The following THOC5 variants were observed in gnomAD, a reference collection of about 807,000 sequenced individuals.
THOC5 encodes the protein Fms-interacting protein.
A neutral mutation model predicts 92.9 loss-of-function variants in THOC5; 43 were observed. The observed-to-expected ratio is 0.46, with a 90% CI of 0.36 to 0.60. The LOEUF (loss-of-function observed/expected upper bound fraction) is 0.60. THOC5 is among the 20% of genes least tolerant of loss of function. The probability of loss-of-function intolerance (pLI) is 0.00; values close to 1 mark genes in which losing one functional copy is unlikely to be tolerated. For synonymous variants in THOC5, 296 were observed against 320.1 expected, an observed-to-expected ratio of 0.92 and a Z score of 0.80; for missense variants, 659 against 849.4, an observed-to-expected ratio of 0.78 and a Z score of 2.79.
At chr22:29,551,935 G>A (rs1159009640) in intron 1 of THOC5, among the ~76,000 whole-genome samples, 3 of 152,034 alleles carry the variant, frequency 2.0e-5, no homozygotes, top group Non-Finnish European at 4.4e-5. Flanking sequence ...GCAGGCGCGC[G>A]CCGCCACGCC....
In THOC5 at chr22:29,548,525, G is replaced by A. The variant is rs766581725; in HGVS notation, c.96+527C>T. On this transcript the variant is annotated intron_variant, in intron 2 of 19. Transcript: ENST00000490103. ...AGCAGAAATCGTGCCACTGTACTCC[G>A]ACGTGAGCGACACAGTGAGACCCTG... Among the ~76,000 whole-genome samples, 40 of 152,108 alleles carry A rather than the reference G, an allele frequency of 2.6e-4. 1 individual carries two copies. The highest frequency in any genetic ancestry group is 2.2e-3 in the Admixed American group (34 of 15,258).
rs766046316 is a variant in THOC5 at position 29,520,074 on chromosome 22, C to T, written c.1308G>A (p.Glu436=). The change falls in exon 14 of 20, where the codon GAG becomes GAA. Residue 436 remains glutamate, a synonymous_variant. Coordinates refer to ENST00000490103, the MANE Select transcript of THOC5 (RefSeq NM_003678.5). ...GILTLSDYVL[E]LGHPYLWVQK... ...GCACCCACAAATAGGGGTGACCTAG[C>T]TCAAGTACATAGTCGCTCAAAGTCA... 7.4e-6 allele frequency: 12 copies of T among 1,613,876 alleles called. No individual in the cohort carries two copies. Among genetic ancestry groups the T allele is most frequent in the South Asian group, 1.1e-5 (1 of 91,076 alleles).
At chr22:29,511,887 C>A in intron 18 of THOC5, 134 bp downstream of exon 18, 1 of 751,066 alleles carries the variant, frequency 1.3e-6, no homozygotes, top group South Asian at 1.8e-5. Context: ...CCAGCAAATT[C>A]TGCAAATCCT....
At chr22:29,541,733 C>G (rs1317000480) in intron 5 of THOC5, among the ~76,000 whole-genome samples, 1 of 148,414 alleles carries the variant, frequency 6.7e-6, no homozygotes, top group East Asian at 2.0e-4. Context: ...TGGTGGCAAG[C>G]GCCTGTAGTC....
chr22:29,550,025 C>T (rs1311347953), intron 1 of THOC5, among the ~76,000 whole-genome samples: 1 of 152,070 alleles, frequency 6.6e-6, no homozygotes, highest in African/African-American at 2.4e-5. Context: ...TACCCTCTTC[C>T]CCCTGAGCCT....
At position 29,511,237 on chromosome 22, in the gene THOC5, G is replaced by A; in HGVS notation, c.1857C>T (p.His619=). The A allele has an allele frequency of 6.2e-7, 1 of 1,614,212 alleles. No homozygotes were observed. Among genetic ancestry groups the A allele is most frequent in the Non-Finnish European group, 8.5e-7 (1 of 1,180,038 alleles). Residue 619 remains histidine, a synonymous_variant, in exon 19 of 20, where the codon CAC becomes CAT. Transcript: ENST00000490103. ...GCTGCAGCTGGTTGGTCAACAGCTGGTGGCTGGGCCAAGGGCCACACAGCT... is the reference window on the plus strand; with the variant it reads ...GCTGCAGCTGGTTGGTCAACAGCTGATGGCTGGGCCAAGGGCCACACAGCT... ...YKELCGPWPS[H]QLLTNQLQRL...
In THOC5 at chr22:29,510,934, G is replaced by A. The variant is rs763162972; in HGVS notation, c.1988+172C>T. Among the ~76,000 whole-genome samples the A allele has an allele frequency of 7.9e-4, 120 of 152,182 alleles. 1 individual carries two copies. Among genetic ancestry groups the A allele is most frequent in the Admixed American group, 2.6e-3 (40 of 15,276 alleles). ...AGCCAAATCCTCTTGGCTCAGACCT[G>A]GCACTAACACCTTCAGGAGGTGTTA... On this transcript the variant is annotated intron_variant, in intron 19 of 19. Transcript: ENST00000490103.
At chr22:29,538,790 C>T (rs1002174574) in intron 6 of THOC5, among the ~76,000 whole-genome samples, 8 of 121,210 alleles carry the variant, frequency 6.6e-5, no homozygotes, top group African/African-American at 2.7e-4. Context: ...GAGTGAAACG[C>T]CATCTCTTTG....
intron 17 of THOC5, among the ~76,000 whole-genome samples, chr22:29,516,709 G>A (rs532214088): frequency 3.0e-4 from 45 of 152,324 alleles, no homozygotes; most frequent in African/African-American, 9.9e-4. Flanking sequence ...GGAGATGTCC[G>A]GTACTAGAAA....
intron 15 of THOC5, among the ~76,000 whole-genome samples, chr22:29,517,738 G>A (rs2063360962): frequency 6.6e-6 from 1 of 152,230 alleles, no homozygotes; most frequent in African/African-American, 2.4e-5. Context: ...CCTTGATGGA[G>A]GAAACAACTG....
intron 8 of THOC5, chr22:29,531,259 G>A: frequency 9.9e-7 from 1 of 1,006,546 alleles, no homozygotes; most frequent in Non-Finnish European, 1.2e-6. Flanking sequence ...GAGGTGGGGT[G>A]GGGTGGGGGA....
chr22:29,527,822 T>C (rs2063572800), intron 11 of THOC5, among the ~76,000 whole-genome samples: 1 of 152,238 alleles, frequency 6.6e-6, no homozygotes, highest in Non-Finnish European at 1.5e-5. Flanking sequence ...GATATTTGAC[T>C]TGCTAGATTC....
Position 29,541,860 on chromosome 22 carries a change from C to CA in THOC5, c.452+998_452+999insT, listed in dbSNP as rs1569230675. Among the ~76,000 whole-genome samples the CA allele has an allele frequency of 2.3e-3, 48 of 20,964 alleles. 8 individuals are homozygous for CA. The highest frequency in any genetic ancestry group is 0.013 in the South Asian group (6 of 462). The allele number at this position is 20,964 out of a possible 152,430, so 13.8% of individuals were successfully genotyped here. A position where few individuals can be genotyped will look rare whatever the true frequency, so the allele number is the denominator to read the frequency against. On this transcript the variant is annotated intron_variant, in intron 5 of 19. Transcript: ENST00000490103. ...TGGGCGACAGAGCAAGACTCCATCTCCAAAAAAAAAAAAAAAAAAAAAAAA... is the reference window on the plus strand; with the variant it reads ...TGGGCGACAGAGCAAGACTCCATCTCACAAAAAAAAAAAAAAAAAAAAAAAA...
intron 12 of THOC5, 41 bp from the exon 13 acceptor site, chr22:29,521,140 C>T (rs1455593080): frequency 6.9e-7 from 1 of 1,443,536 alleles, no homozygotes; most frequent in African/African-American, 1.4e-5. Context: ...ATGCAGCCAA[C>T]ATCTTTCTTC....
rs371383051 is a variant in THOC5, at chr22:29,525,652, A to C, written c.1175+186T>G. On this transcript the variant is annotated intron_variant, in intron 12 of 19. Coordinates refer to ENST00000490103, the MANE Select transcript of THOC5 (RefSeq NM_003678.5). Reference sequence around the variant, plus strand: ...GTGTAGTAAGAGGACTTCACAAATTAAAGTCAGAGAGTGCTTTCTAAATAC... The same window carrying C: ...GTGTAGTAAGAGGACTTCACAAATTCAAGTCAGAGAGTGCTTTCTAAATAC... Among the ~76,000 whole-genome samples, 52 of 152,324 alleles carry C rather than the reference A, an allele frequency of 3.4e-4. No individual in the cohort carries two copies. The East Asian group carries it at 6.4e-3, about 19-fold the overall frequency.
intron 5 of THOC5, among the ~76,000 whole-genome samples, chr22:29,540,669 G>A (rs2063862723): frequency 6.6e-6 from 1 of 152,104 alleles, no homozygotes; most frequent in Non-Finnish European, 1.5e-5. Flanking sequence ...TTTTGTTTTT[G>A]ATACCTTTTT....
intron 9 of THOC5, chr22:29,528,915 G>A: frequency 1.8e-6 from 1 of 552,982 alleles, no homozygotes; most frequent in Non-Finnish European, 3.2e-6. Flanking sequence ...GGAATAAACT[G>A]AGGCTCTGAA....
At chr22:29,518,157 C>G (rs902530115) in intron 15 of THOC5, among the ~76,000 whole-genome samples, 1 of 152,192 alleles carries the variant, frequency 6.6e-6, no homozygotes, top group Non-Finnish European at 1.5e-5. Flanking sequence ...CTTCAGCCTC[C>G]TGAGTAGCTG....
At chr22:29,536,353 A>G (rs1208045735) in intron 7 of THOC5, 1 of 352,100 alleles carries the variant, frequency 2.8e-6, no homozygotes, top group Non-Finnish European at 5.1e-6. Context: ...CAGGGGGTAA[A>G]CTAAATTTAC....
Sources: allele counts gnomAD v4.1 joint callset (sites outside exome capture counted in the v4.1 genomes callset), GRCh38; gene constraint gnomAD v4.1.1; transcripts MANE v1.5; gene names NCBI Gene and HGNC (gene_info 2026-07-23, HGNC 2026-07-21).